Variants in TFDP1 observed in about 807,000 individuals in gnomAD.
TFDP1 encodes DRTF1-polypeptide 1.
Under a neutral mutation model 48.0 loss-of-function variants are expected in TFDP1, and 6 were observed. The observed-to-expected ratio is 0.13, with a 90% CI of 0.07 to 0.25. The LOEUF is 0.25. TFDP1 is among the 10% of genes least tolerant of loss of function. The pLI, the probability that TFDP1 is intolerant of heterozygous loss-of-function variation, is 1.00. For missense variants in TFDP1, 335 were observed against 543.0 expected, an observed-to-expected ratio of 0.62 and a Z score of 3.81; for synonymous variants, 201 against 211.6, an observed-to-expected ratio of 0.95 and a Z score of 0.44.
intron 3 of TFDP1, 137 bp downstream of exon 3, chr13:113,611,199 AG>A: frequency 2.5e-6 from 2 of 806,538 alleles, no homozygotes. Context: ...CCGGGAACCC[AG>A]GAGGGTGGGC....
rs762442615 is a variant in TFDP1, at chr13:113,631,614, C to T, written c.187-9C>T. ...GACTGACTGTCTGAATTGTCTTTTT[C>T]GACTGTAGGTAATTGGTACGCCTCA... On this transcript the variant is annotated splice_polypyrimidine_tract_variant and intron_variant, in intron 4 of 11. Transcript: ENST00000375370. 15 of 1,610,232 alleles carry T rather than the reference C, an allele frequency of 9.3e-6. No homozygotes were observed. The highest frequency in any genetic ancestry group is 4.4e-5 in the South Asian group (4 of 90,446).
intron 4 of TFDP1, among the ~76,000 whole-genome samples, chr13:113,626,953 T>G (rs990712278): frequency 6.6e-6 from 1 of 152,242 alleles, no homozygotes; most frequent in African/African-American, 2.4e-5. Context: ...GAAGATTATC[T>G]TATTGATGTG....
intron 3 of TFDP1, among the ~76,000 whole-genome samples, chr13:113,618,719 C>T (rs910440629): frequency 2.0e-5 from 3 of 152,188 alleles, no homozygotes; most frequent in African/African-American, 7.2e-5. Flanking sequence ...AAACACACAG[C>T]ATGTGGTTCA....
intron 3 of TFDP1, among the ~76,000 whole-genome samples, chr13:113,621,054 G>T (rs1251745320): frequency 6.6e-6 from 1 of 152,238 alleles, no homozygotes; most frequent in Non-Finnish European, 1.5e-5. Flanking sequence ...TTTTAAAAAT[G>T]CATGGGTTGT....
chr13:113,596,662 G>T (rs1297386957), intron 2 of TFDP1, among the ~76,000 whole-genome samples: 4 of 152,198 alleles, frequency 2.6e-5, no homozygotes, highest in Non-Finnish European at 5.9e-5. Flanking sequence ...GATGACTTTT[G>T]CCCGGACTTA....
At chr13:113,588,220 G>T (rs1213925842) in intron 2 of TFDP1, among the ~76,000 whole-genome samples, 1 of 152,228 alleles carries the variant, frequency 6.6e-6, no homozygotes, top group Non-Finnish European at 1.5e-5. Flanking sequence ...CCTTTATGCT[G>T]GGGGAAAGCT....
chr13:113,608,392 G>A (rs1172481897), intron 2 of TFDP1, among the ~76,000 whole-genome samples: 1 of 152,208 alleles, frequency 6.6e-6, no homozygotes, highest in African/African-American at 2.4e-5. Flanking sequence ...CTGGAGTGCA[G>A]ACACCATACA....
intron 11 of TFDP1, 52 bp downstream of exon 11, chr13:113,637,948 T>A: frequency 6.3e-7 from 1 of 1,592,596 alleles, no homozygotes; most frequent in Non-Finnish European, 8.6e-7. Context: ...TCCCCCGGGG[T>A]CCAGGGGCCA....
chr13:113,622,310 C>T (rs368392408), intron 3 of TFDP1, among the ~76,000 whole-genome samples: 29 of 152,308 alleles, frequency 1.9e-4, no homozygotes, highest in African/African-American at 5.3e-4. Flanking sequence ...TCTCCGCACA[C>T]GGGGAGAAAC....
In TFDP1 at chr13:113,633,440, G is replaced by A. The variant is rs988345682; in HGVS notation, c.474+155G>A. ...CCAAACGAGTCAGTAAGTGTGTGCC[G>A]GGGCCGAGAGGCTGGGGTGGCGGAG... On this transcript the variant is annotated intron_variant, in intron 6 of 11. Coordinates refer to ENST00000375370, the MANE Select transcript of TFDP1 (RefSeq NM_007111.5). This position sits in a 1 kb window ranked among gnomAD's most constrained non-coding sequence, Gnocchi z 4.5. Among the ~76,000 whole-genome samples, 4 of 148,034 alleles carry A rather than the reference G, an allele frequency of 2.7e-5. No homozygotes were observed. Among genetic ancestry groups the A allele is most frequent in the Admixed American group, 6.7e-5 (1 of 14,834 alleles).
rs2049405872 is a variant in TFDP1, at chr13:113,633,989, A to C, written c.574A>C (p.Ile192Leu). The C allele has an allele frequency of 6.2e-7, 1 of 1,614,060 alleles. No homozygotes were observed. The highest frequency in any genetic ancestry group is 8.5e-7 in the Non-Finnish European group (1 of 1,180,048). ...ISKEKKEIKW[I>L]GLPTNSAQEC... ...CAAGGAGAAGAAGGAGATCAAGTGG[A>C]TTGGTCTGCCCACCAACTCGGCTCA... Residue 192 changes from isoleucine (I) to leucine (L), a missense_variant, in exon 7 of 12, where the codon ATT becomes CTT. Ile to Leu is a conservative substitution (Grantham distance 5, BLOSUM62 2). Around this residue, in one of 3 missense-constraint regions of TFDP1, gnomAD observed 28 missense variants for 115.5 expected, o/e 0.24. Coordinates refer to ENST00000375370, the MANE Select transcript of TFDP1 (RefSeq NM_007111.5). This position sits in a 1 kb window ranked among gnomAD's most constrained non-coding sequence, Gnocchi z 4.5.
rs939152274 is a variant in TFDP1 at position 113,584,786 on chromosome 13, G to C, written c.-167G>C. On this transcript the variant is annotated 5_prime_UTR_variant, in exon 1 of 12. Transcript: ENST00000375370. Reference sequence around the variant, plus strand: ...CAGGGCAGGGACCCCGCCACGGCCGGGACCGCCCGGCCCGGCCCCAGCCCG... The same window carrying C: ...CAGGGCAGGGACCCCGCCACGGCCGCGACCGCCCGGCCCGGCCCCAGCCCG... 2 of 146,210 alleles carry C rather than the reference G, an allele frequency of 1.4e-5. No individual in the cohort carries two copies. The highest frequency in any genetic ancestry group is 4.9e-5 in the African/African-American group (2 of 40,784). The allele number at this position is 146,210 out of a possible 1,614,324, so 9.1% of individuals were successfully genotyped here.
intron 2 of TFDP1, among the ~76,000 whole-genome samples, chr13:113,591,105 G>A (rs1216773054): frequency 6.6e-6 from 1 of 151,740 alleles, no homozygotes; most frequent in Non-Finnish European, 1.5e-5. Flanking sequence ...AATCCCGGAG[G>A]CCAAGGCGGG....
At position 113,623,259 on chromosome 13, in the gene TFDP1, G is replaced by C. The variant is rs151229785; in HGVS notation, c.159G>C (p.Gln53His). The C allele has an allele frequency of 1.0e-3, 1,620 of 1,613,004 alleles. 3 individuals are homozygous for C. Among genetic ancestry groups the C allele is most frequent in the Non-Finnish European group, 1.1e-3 (1,290 of 1,179,490 alleles). The change falls in exon 4 of 12, where the codon CAG becomes CAC. Residue 53 changes from glutamine to histidine, a missense_variant. This residue lies in a region of TFDP1 where 103 missense variants were observed against 140.4 expected (regional missense o/e 0.73). Transcript: ENST00000375370. The surrounding 1 kb of genome is among the most constrained non-coding windows in gnomAD (Gnocchi z 5.2). ...GKQLLPKTFGQSNVNIAQQVV... is the reference protein window; with the variant it reads ...GKQLLPKTFGHSNVNIAQQVV... ...AGCTCTTGCCAAAAACCTTTGGACA[G>C]TCCAATGTCAACATTGCCCAGCAAG...
chr13:113,617,294 A>T (rs73577465), intron 3 of TFDP1, among the ~76,000 whole-genome samples: 2,263 of 152,238 alleles, frequency 0.015, 51 homozygotes, highest in African/African-American at 0.051. Flanking sequence ...GTCTCCATGG[A>T]GCGGGTGCCT....
At chr13:113,634,476 A>G in intron 7 of TFDP1, 58 bp from the exon 8 acceptor site, 1 of 1,509,236 alleles carries the variant, frequency 6.6e-7, no homozygotes, top group Non-Finnish European at 9.1e-7. Flanking sequence ...GTGGGTTTTA[A>G]AAAACGCTCT....
Position 113,614,372 on chromosome 13 carries a change from G to C in TFDP1, c.79+3310G>C, listed in dbSNP as rs561885000. Among the ~76,000 whole-genome samples, 260 of 152,308 alleles carry C rather than the reference G, an allele frequency of 1.7e-3. 4 individuals are homozygous for C. The highest frequency in any genetic ancestry group is 0.015 in the Admixed American group (233 of 15,304). On this transcript the variant is annotated intron_variant, in intron 3 of 11. Coordinates refer to ENST00000375370, the MANE Select transcript of TFDP1 (RefSeq NM_007111.5). ...GTTGGGAGTGGGGTGGTCCAGGCAG[G>C]GTCCTCGGCGCCCTTAGATGGAGCC...
intron 2 of TFDP1, among the ~76,000 whole-genome samples, chr13:113,588,855 G>A (rs1032503089): frequency 6.6e-6 from 1 of 151,780 alleles, no homozygotes; most frequent in Non-Finnish European, 1.5e-5. Flanking sequence ...TGGTAGGACT[G>A]GGGGAGAGAG....
chr13:113,629,928 T>G (rs1384924796), intron 4 of TFDP1, among the ~76,000 whole-genome samples: 3 of 152,148 alleles, frequency 2.0e-5, no homozygotes, highest in Non-Finnish European at 4.4e-5. Flanking sequence ...GAATCGTGTG[T>G]GGGATTCTCC....
Sources: gnomAD v4.1 joint callset for allele counts (sites outside exome capture counted in the v4.1 genomes callset) on GRCh38, gnomAD v4.1.1 for gene constraint, gnomAD v4.1.1 regional missense constraint, Gnocchi (gnomAD v3.1) non-coding constraint, MANE v1.5 for transcripts, NCBI Gene and HGNC (gene_info 2026-07-23, HGNC 2026-07-21) for gene names.